The following CCT6A variants were observed in gnomAD, a reference collection of about 807,000 sequenced individuals.
CCT6A encodes T-complex protein 1 subunit zeta.
In CCT6A, 6 loss-of-function variants were observed where a neutral mutation model predicts 58.6. The observed-to-expected ratio is 0.10, with a 90% CI of 0.06 to 0.20. CCT6A has a LOEUF of 0.20. Ranked by LOEUF, CCT6A falls within the 10% of genes least tolerant of loss-of-function variation. The pLI is 1.00. For missense variants in CCT6A, 516 were observed against 648.8 expected, an observed-to-expected ratio of 0.80 and a Z score of 2.22; for synonymous variants, 245 against 227.8, an observed-to-expected ratio of 1.08 and a Z score of -0.68.
chr7:56,051,889 C>T lies in CCT6A; in HGVS notation c.41C>T (p.Ala14Val), dbSNP rs868684313. Residue 14 changes from alanine to valine, a missense_variant, in exon 1 of 14, where the codon GCC becomes GTC. Around this residue, in one of 3 missense-constraint regions of CCT6A, gnomAD observed 116 missense variants for 184.5 expected, o/e 0.63. Transcript: ENST00000275603. Reference protein sequence around the residue: ...VKTLNPKAEVARAQAALAVNI... With the variant: ...VKTLNPKAEVVRAQAALAVNI... ...ACCCTGAACCCCAAGGCCGAGGTGG[C>T]CCGAGCGCAGGCGGCGCTGGCGGTC... is the stretch of plus-strand genomic sequence containing the variant. The T allele has an allele frequency of 2.6e-6, 4 of 1,558,136 alleles. No homozygotes were observed. The highest frequency in any genetic ancestry group is 2.4e-5 in the South Asian group (2 of 84,774).
chr7:56,053,278 C>T (rs1175117793), intron 2 of CCT6A, among the ~76,000 whole-genome samples: 1 of 152,170 alleles, frequency 6.6e-6, no homozygotes, highest in Non-Finnish European at 1.5e-5. Flanking sequence ...GAAATTATTT[C>T]CTGCTGATTT....
chr7:56,063,667 A>G lies in CCT6A; in HGVS notation c.*582A>G, dbSNP rs1328897278. On this transcript the variant is annotated 3_prime_UTR_variant, in exon 14 of 14. Coordinates refer to ENST00000275603, the MANE Select transcript of CCT6A (RefSeq NM_001762.4). ...GTCAACTAGAGGCAAGGGAGTTGAG[A>G]GAGCTGCAACTGTAAAGGGCAAGAA... is the stretch of plus-strand genomic sequence containing the variant. 1 of 159,966 alleles carries G rather than the reference A, an allele frequency of 6.3e-6. No homozygotes were observed. The highest frequency in any genetic ancestry group is 1.4e-5 in the Non-Finnish European group (1 of 73,068). The allele number at this position is 159,966 out of a possible 1,614,324, so 9.9% of individuals were successfully genotyped here. A position where few individuals can be genotyped will look rare whatever the true frequency, so the allele number is the denominator to read the frequency against.
chr7:56,063,351 G>A lies in CCT6A; in HGVS notation c.*266G>A. 4.3e-6 allele frequency: 2 copies of A among 464,472 alleles called. No homozygotes were observed. The highest frequency in any genetic ancestry group is 7.7e-6 in the Non-Finnish European group (2 of 260,250). 28.8% of individuals were successfully genotyped at this position (464,472 alleles called of 1,614,324 possible). A position where few individuals can be genotyped will look rare whatever the true frequency, so the allele number is the denominator to read the frequency against. ...TAGCAGCAGTGACATAAAATTCCATGTTAGATAAGCATATGTTACTTACCT... is the reference window on the plus strand; with the variant it reads ...TAGCAGCAGTGACATAAAATTCCATATTAGATAAGCATATGTTACTTACCT... On this transcript the variant is annotated 3_prime_UTR_variant, in exon 14 of 14. Coordinates refer to ENST00000275603, the MANE Select transcript of CCT6A (RefSeq NM_001762.4).
chr7:56,053,870 A>G (rs1228446938), intron 2 of CCT6A, among the ~76,000 whole-genome samples: 3 of 152,236 alleles, frequency 2.0e-5, no homozygotes, highest in South Asian at 4.1e-4. Flanking sequence ...GACACACACA[A>G]CCACCACTGT....
chr7:56,052,289 T>C (rs1172372309), intron 1 of CCT6A, 133 bp from the exon 2 acceptor site: 4 of 789,640 alleles, frequency 5.1e-6, no homozygotes, highest in African/African-American at 1.7e-5. Flanking sequence ...ACTACACCTG[T>C]CCTCCATCCT....
intron 1 of CCT6A, 116 bp from the exon 2 acceptor site, chr7:56,052,306 C>T: frequency 1.1e-6 from 1 of 887,324 alleles, no homozygotes; most frequent in South Asian, 1.4e-5. Context: ...TCCTGCTGGA[C>T]ATAACTAGCC....
At chr7:56,054,648 C>A in intron 3 of CCT6A, 145 bp downstream of exon 3, 1 of 701,270 alleles carries the variant, frequency 1.4e-6, no homozygotes, top group Non-Finnish European at 2.3e-6. Flanking sequence ...TGGTCTAAAA[C>A]AAATTGTGAC....
rs188144475 is a variant in CCT6A, at chr7:56,056,768, T to C, written c.614+354T>C. 4.7e-5 allele frequency among the ~76,000 whole-genome samples: 7 copies of C among 149,548 alleles called. No individual in the cohort carries two copies. The East Asian group carries it at 1.2e-3, about 25-fold the overall frequency. ...AAAAAATAAACTGTGTTTAGAAATT[T>C]AGGGGTGCTTTGTACAATATAGATA... On this transcript the variant is annotated intron_variant, in intron 5 of 13. Transcript: ENST00000275603.
Position 56,063,140 on chromosome 7 carries a change from T to A in CCT6A, c.*55T>A. ...AAGACTGCAAAGTGATCCTGAGGAT[T>A]ACAGCTGTGGAATTTTTGTCCAAGC... is the stretch of plus-strand genomic sequence containing the variant. On this transcript the variant is annotated 3_prime_UTR_variant, in exon 14 of 14. Coordinates refer to ENST00000275603, the MANE Select transcript of CCT6A (RefSeq NM_001762.4). 9 of 1,208,262 alleles carry A rather than the reference T, an allele frequency of 7.4e-6. No homozygotes were observed. Among genetic ancestry groups the A allele is most frequent in the Middle Eastern group, 3.8e-4 (2 of 5,268 alleles). 74.8% of individuals were successfully genotyped at this position (1,208,262 alleles called of 1,614,324 possible).
chr7:56,063,956 G>C lies in CCT6A; in HGVS notation c.*871G>C. ...TTTGGGATGTCAGCAGTGGCCTGAA[G>C]TGAGTTGTGCAATAAATGTTAAGTT... On this transcript the variant is annotated 3_prime_UTR_variant, in exon 14 of 14. Coordinates refer to ENST00000275603, the MANE Select transcript of CCT6A (RefSeq NM_001762.4). The C allele has an allele frequency of 4.7e-6, 2 of 424,808 alleles. No individual in the cohort carries two copies. The highest frequency in any genetic ancestry group is 6.1e-5 in the South Asian group (2 of 32,904). The allele number at this position is 424,808 out of a possible 1,614,324, so 26.3% of individuals were successfully genotyped here.
In CCT6A at chr7:56,056,430, CTG is replaced by C. The variant is rs757334342; in HGVS notation, c.614+19_614+20del. The C allele has an allele frequency of 5.0e-5, 59 of 1,185,178 alleles. No homozygotes were observed. The highest frequency in any genetic ancestry group is 7.0e-5 in the Non-Finnish European group (55 of 789,788). The allele number at this position is 1,185,178 out of a possible 1,614,324, so 73.4% of individuals were successfully genotyped here. ...CTGATACAAGGTAGGTGGTAGAAGA[CTG>C]TGAAATACTAATGGGCATGGAGGCT... On this transcript the variant is annotated intron_variant, in intron 5 of 13. Transcript: ENST00000275603.
At chr7:56,061,668 C>CTTTTTTTTTTTTTTTTTTTTTTTTT in intron 11 of CCT6A, 79 bp from the exon 12 acceptor site, 2 of 309,836 alleles carry the variant, frequency 6.5e-6, no homozygotes, top group South Asian at 5.7e-5. Context: ...TTTCTTTTTT[C>CTTTTTTTTTTTTTTTTTTTTTTTTT]TTTTTTTTTT....
At position 56,060,249 on chromosome 7, in the gene CCT6A, CAT is replaced by C. The variant is rs762258897; in HGVS notation, c.1066-17_1066-16del. The C allele has an allele frequency of 1.2e-6, 2 of 1,607,868 alleles. No individual in the cohort carries two copies. The highest frequency in any genetic ancestry group is 2.2e-5 in the South Asian group (2 of 90,836). ...CTGCACAAATCCTGTTTTTGAAAAT[CAT>C]ATTTTTTCTACACATAGGGAGAAGA... is the stretch of plus-strand genomic sequence containing the variant. On this transcript the variant is annotated intron_variant, in intron 9 of 13. Transcript: ENST00000275603.
chr7:56,051,857 G>C lies in CCT6A; in HGVS notation c.9G>C (p.Ala3=). 6.4e-7 allele frequency: 1 copy of C among 1,560,458 alleles called. No individual in the cohort carries two copies. Among genetic ancestry groups the C allele is most frequent in the Non-Finnish European group, 8.7e-7 (1 of 1,153,092 alleles). The change falls in exon 1 of 14, where the codon GCG becomes GCC. Residue 3 remains alanine (A), a synonymous_variant. Coordinates refer to ENST00000275603, the MANE Select transcript of CCT6A (RefSeq NM_001762.4). ...CCTCCGCTGGAGCAGCTATGGCGGC[G>C]GTGAAGACCCTGAACCCCAAGGCCG... MA[A]VKTLNPKAEV...
chr7:56,058,636 C>T lies in CCT6A; in HGVS notation c.902C>T (p.Ser301Phe). 1 of 1,606,478 alleles carries T rather than the reference C, an allele frequency of 6.2e-7. No homozygotes were observed. Among genetic ancestry groups the T allele is most frequent in the Non-Finnish European group, 8.5e-7 (1 of 1,173,776 alleles). Residue 301 changes from serine to phenylalanine, a missense_variant, in exon 8 of 14, where the codon TCC becomes TTC. Ser to Phe is a radical substitution (Grantham distance 155, BLOSUM62 -2). This residue lies in a region of CCT6A where 315 missense variants were observed against 389.4 expected (regional missense o/e 0.81). Transcript: ENST00000275603. ...TTGTTACAGGGAATTGACCCCTTTT[C>T]CTTAGATGCTCTTTCAAAAGAAGGC... Reference protein sequence around the residue: ...VINQKGIDPFSLDALSKEGIV... With the variant: ...VINQKGIDPFFLDALSKEGIV...
At position 56,052,440 on chromosome 7, in the gene CCT6A, A is replaced by G. The variant is rs1584543298; in HGVS notation, c.156A>G (p.Gly52=). ...TAAACAGGCTCGTTTCTGGCGCTGG[A>G]GACATCAAACTTACTAAAGACGGCA... ...GTMKMLVSGA[G]DIKLTKDGNV... is the part of the protein sequence containing the mutation. The change falls in exon 2 of 14, where the codon GGA becomes GGG. Residue 52 remains glycine, a synonymous_variant. Coordinates refer to ENST00000275603, the MANE Select transcript of CCT6A (RefSeq NM_001762.4). 1 of 1,614,046 alleles carries G rather than the reference A, an allele frequency of 6.2e-7. No individual in the cohort carries two copies. The highest frequency in any genetic ancestry group is 8.5e-7 in the Non-Finnish European group (1 of 1,179,892).
chr7:56,058,536 T>C lies in CCT6A; in HGVS notation c.885+15T>C, dbSNP rs775633783. On this transcript the variant is annotated intron_variant, in intron 7 of 13. Coordinates refer to ENST00000275603, the MANE Select transcript of CCT6A (RefSeq NM_001762.4). Reference sequence around the variant, plus strand: ...TTAATCAAAAGGTGAGAATGAAAACTCAATGTATAAACTAAATAGTACGTA... The same window carrying C: ...TTAATCAAAAGGTGAGAATGAAAACCCAATGTATAAACTAAATAGTACGTA... The C allele has an allele frequency of 1.3e-6, 2 of 1,585,950 alleles. No individual in the cohort carries two copies. The highest frequency in any genetic ancestry group is 2.2e-5 in the East Asian group (1 of 44,656).
intron 5 of CCT6A, 91 bp downstream of exon 5, chr7:56,056,505 C>T (rs562311169): frequency 3.6e-5 from 26 of 730,462 alleles, no homozygotes; most frequent in Admixed American, 1.0e-4. Context: ...GGCAAATCAC[C>T]TCAGGTCAGG....
chr7:56,060,249 C>T lies in CCT6A; in HGVS notation c.1066-20C>T, dbSNP rs1464255884. 13 of 1,607,868 alleles carry T rather than the reference C, an allele frequency of 8.1e-6. No homozygotes were observed. Among genetic ancestry groups the T allele is most frequent in the Non-Finnish European group, 1.1e-5 (13 of 1,175,102 alleles). ...CTGCACAAATCCTGTTTTTGAAAAT[C>T]ATATTTTTTCTACACATAGGGAGAA... On this transcript the variant is annotated intron_variant, in intron 9 of 13. Transcript: ENST00000275603.
Sources: gnomAD v4.1 joint callset for allele counts (sites outside exome capture counted in the v4.1 genomes callset) on GRCh38, gnomAD v4.1.1 for gene constraint, gnomAD v4.1.1 regional missense constraint, MANE v1.5 for transcripts, NCBI Gene and HGNC (gene_info 2026-07-23, HGNC 2026-07-21) for gene names.